Variants in ZFHX3 observed in about 807,000 individuals in gnomAD.
ZFHX3 encodes the protein zinc finger homeobox 3.
Under a neutral mutation model 279.1 loss-of-function variants are expected in ZFHX3, and 42 were observed. The ratio of observed to expected loss-of-function variants is 0.15; its 90% CI spans 0.12 to 0.19. The LOEUF (loss-of-function observed/expected upper bound fraction) is 0.19. ZFHX3 is among the 10% of genes least tolerant of loss of function. ZFHX3 has a pLI of 1.00. For missense variants in ZFHX3, 4,981 were observed against 4,754.0 expected, an observed-to-expected ratio of 1.05 and a Z score of -1.40; for synonymous variants, 2,293 against 1,957.8, an observed-to-expected ratio of 1.17 and a Z score of -4.52.
At chr16:73,269,776 TCTCA>T (rs1189436637) in intron 4 of ZFHX3, among the ~76,000 whole-genome samples, 4 of 151,430 alleles carry the variant, frequency 2.6e-5, no homozygotes, top group Middle Eastern at 3.2e-3. Context: ...TGAGACGGAG[TCTCA>T]CTCTGTCACC....
intron 3 of ZFHX3, among the ~76,000 whole-genome samples, chr16:72,908,037 T>A (rs1466141876): frequency 6.6e-6 from 1 of 152,128 alleles, no homozygotes; most frequent in Non-Finnish European, 1.5e-5. Context: ...CCGCCCTTTT[T>A]CTGTCTGCAG....
At chr16:73,125,065 C>T (rs1219835998) in intron 7 of ZFHX3, among the ~76,000 whole-genome samples, 2 of 151,992 alleles carry the variant, frequency 1.3e-5, no homozygotes, top group Non-Finnish European at 2.9e-5. Flanking sequence ...AGGTATCCAG[C>T]CCATGGATTT....
chr16:73,253,291 G>A (rs555460279), intron 5 of ZFHX3, among the ~76,000 whole-genome samples: 7 of 152,300 alleles, frequency 4.6e-5, no homozygotes, highest in Admixed American at 2.0e-4. Flanking sequence ...CAGCAAGAGT[G>A]TGGGTGTAAT....
intron 2 of ZFHX3, among the ~76,000 whole-genome samples, chr16:73,487,921 A>G (rs2019001888): frequency 6.6e-6 from 1 of 152,218 alleles, no homozygotes; most frequent in Non-Finnish European, 1.5e-5. Context: ...ACATGGAAAG[A>G]GAGGTCCACC....
intron 1 of ZFHX3, among the ~76,000 whole-genome samples, chr16:73,700,062 AAAAG>A (rs771350959): frequency 1.6e-4 from 25 of 152,252 alleles, no homozygotes; most frequent in Non-Finnish European, 2.9e-4. Context: ...CTCTCTACAA[AAAAG>A]TTAAAAATTA....
intron 1 of ZFHX3, among the ~76,000 whole-genome samples, chr16:73,887,547 T>A (rs1348318325): frequency 6.6e-6 from 1 of 152,034 alleles, no homozygotes; most frequent in Non-Finnish European, 1.5e-5. Flanking sequence ...TTCTGTGAAC[T>A]ACACCACGGC....
chr16:72,795,985 G>T lies in ZFHX3; in HGVS notation c.6697C>A (p.Pro2233Thr), dbSNP rs2143423935. The change falls in exon 9 of 10, where the codon CCT (proline) becomes ACT (threonine). Residue 2233 changes from proline (P) to threonine (T), a missense_variant. Physicochemically the swap from Pro to Thr is conservative, Grantham distance 38. Coordinates refer to ENST00000268489, the MANE Select transcript of ZFHX3 (RefSeq NM_006885.4). Reference sequence around the variant, plus strand: ...CTTCCCCAGTACTCCTGCTTTGGAGGTTCCGGCGAAGGGGGCCGGGAGTCA... The same window carrying T: ...CTTCCCCAGTACTCCTGCTTTGGAGTTTCCGGCGAAGGGGGCCGGGAGTCA... The part of the protein sequence containing the change: ...KIDSRPPSPE[P>T]PKQEYWGSKR... 2 of 1,614,170 alleles carry T rather than the reference G, an allele frequency of 1.2e-6. No homozygotes were observed. The highest frequency in any genetic ancestry group is 2.2e-5 in the East Asian group (1 of 44,872).
At chr16:72,950,280 A>T (rs1960917500) in intron 3 of ZFHX3, among the ~76,000 whole-genome samples, 189 bp downstream of exon 3, 1 of 151,948 alleles carries the variant, frequency 6.6e-6, no homozygotes. Context: ...TACTCACTGA[A>T]CCTGTCACGT....
At chr16:73,375,311 T>C (rs9939544) in intron 3 of ZFHX3, among the ~76,000 whole-genome samples, 1,764 of 152,308 alleles carry the variant, frequency 0.012, 43 homozygotes, top group African/African-American at 0.04. Flanking sequence ...GACTCATGCA[T>C]CCTTCCTTTT....
At chr16:72,825,468 G>C (rs1597280979) in intron 5 of ZFHX3, among the ~76,000 whole-genome samples, 1 of 152,244 alleles carries the variant, frequency 6.6e-6, no homozygotes, top group African/African-American at 2.4e-5. Context: ...AAAAGCCAGT[G>C]TGTAAATCTG....
intron 2 of ZFHX3, among the ~76,000 whole-genome samples, chr16:73,575,764 T>C (rs543071958): frequency 2.0e-5 from 3 of 152,260 alleles, no homozygotes; most frequent in Admixed American, 6.5e-5. Flanking sequence ...ATCTCACTCA[T>C]GCCGCGGGGC....
At chr16:73,591,520 G>A (rs2051996254) in intron 2 of ZFHX3, among the ~76,000 whole-genome samples, 2 of 150,814 alleles carry the variant, frequency 1.3e-5, no homozygotes, top group South Asian at 2.1e-4. Context: ...GTGAAACCTT[G>A]TCTCTACTAA....
At chr16:73,382,972 C>A (rs2143373439) in intron 3 of ZFHX3, among the ~76,000 whole-genome samples, 1 of 152,210 alleles carries the variant, frequency 6.6e-6, no homozygotes, top group East Asian at 1.9e-4. Flanking sequence ...CCGGTGAATT[C>A]TTAGTTAAAT....
intron 3 of ZFHX3, among the ~76,000 whole-genome samples, chr16:73,439,047 C>T (rs1451881156): frequency 6.6e-6 from 1 of 152,232 alleles, no homozygotes; most frequent in Non-Finnish European, 1.5e-5. Context: ...CTCAGACCAT[C>T]ACAGGATACA....
At chr16:73,439,709 T>C (rs1420791586) in intron 3 of ZFHX3, among the ~76,000 whole-genome samples, 1 of 151,828 alleles carries the variant, frequency 6.6e-6, no homozygotes, top group African/African-American at 2.4e-5. Flanking sequence ...CCTTTCAAGA[T>C]GTTTTGCTGA....
chr16:73,163,340 G>A (rs11075971), intron 5 of ZFHX3, among the ~76,000 whole-genome samples: 90,826 of 152,036 alleles, frequency 0.6, 27,755 homozygotes, highest in African/African-American at 0.72. Flanking sequence ...TAAAGGCACT[G>A]GGAAAGGGAC....
intron 2 of ZFHX3, among the ~76,000 whole-genome samples, chr16:73,619,380 C>T (rs1450129179): frequency 6.6e-6 from 1 of 151,306 alleles, no homozygotes; most frequent in Non-Finnish European, 1.5e-5. Context: ...CCCAGCTACT[C>T]GGGAGGCTGA....
intron 1 of ZFHX3, among the ~76,000 whole-genome samples, chr16:73,731,156 T>C (rs1193368253): frequency 6.6e-6 from 1 of 152,258 alleles, no homozygotes; most frequent in Non-Finnish European, 1.5e-5. Context: ...TGATTTTGTA[T>C]ACTAGTTAGC....
At chr16:73,426,883 C>T (rs1003195097) in intron 3 of ZFHX3, among the ~76,000 whole-genome samples, 6 of 152,140 alleles carry the variant, frequency 3.9e-5, no homozygotes, top group African/African-American at 1.2e-4. Flanking sequence ...TTTCCTTCCC[C>T]GAGTTCTGCC....
Sources: allele counts gnomAD v4.1 joint callset (sites outside exome capture counted in the v4.1 genomes callset), GRCh38; gene constraint gnomAD v4.1.1; transcripts MANE v1.5; gene names NCBI Gene and HGNC (gene_info 2026-07-23, HGNC 2026-07-21).